The following ASTN2 variants were observed in gnomAD, a reference collection of about 807,000 sequenced individuals.
The protein encoded by ASTN2 is astrotactin-2.
In ASTN2, 54 loss-of-function variants were observed where a neutral mutation model predicts 139.8. That is an observed-to-expected ratio of 0.39 (90% confidence interval 0.31 to 0.48). The LOEUF (loss-of-function observed/expected upper bound fraction) is 0.48. Among genes scored for constraint, ASTN2 ranks in the 20% least tolerant of loss-of-function variants. The pLI, the probability that ASTN2 is intolerant of heterozygous loss-of-function variation, is 0.95. For synonymous variants in ASTN2, 756 were observed against 719.5 expected (o/e 1.05, Z -0.81); for missense variants, 1,565 against 1,725.1 (o/e 0.91, Z 1.64).
At chr9:117,395,482 G>T (rs1403900377) in intron 1 of ASTN2, among the ~76,000 whole-genome samples, 1 of 152,140 alleles carries the variant, frequency 6.6e-6, no homozygotes, top group South Asian at 2.1e-4. Context: ...TTGGCAGCCC[G>T]CTCACACACA....
chr9:116,845,837 G>T (rs1832413664), intron 11 of ASTN2, among the ~76,000 whole-genome samples: 2 of 152,218 alleles, frequency 1.3e-5, no homozygotes, highest in Admixed American at 1.3e-4. Flanking sequence ...ATTAAAAATA[G>T]AACTACCATA....
At chr9:117,339,529 C>A (rs766822094) in intron 1 of ASTN2, among the ~76,000 whole-genome samples, 5 of 152,158 alleles carry the variant, frequency 3.3e-5, no homozygotes, top group Non-Finnish European at 7.3e-5. Flanking sequence ...TTTGCCAACA[C>A]TCCGTTTACA....
intron 22 of ASTN2, among the ~76,000 whole-genome samples, chr9:116,430,302 T>A (rs1847456297): frequency 6.6e-6 from 1 of 152,336 alleles, no homozygotes; most frequent in Middle Eastern, 3.4e-3. Context: ...CCTTGAGTAG[T>A]AACAAAGGCA....
chr9:117,166,806 C>T (rs1043699549), intron 3 of ASTN2, among the ~76,000 whole-genome samples: 4 of 152,050 alleles, frequency 2.6e-5, no homozygotes, highest in African/African-American at 9.7e-5. Context: ...GCAAACTCCC[C>T]TAGGATCAAA....
At chr9:117,329,441 G>A (rs990203538) in intron 1 of ASTN2, among the ~76,000 whole-genome samples, 2 of 152,026 alleles carry the variant, frequency 1.3e-5, no homozygotes, top group African/African-American at 2.4e-5. Context: ...AAGGAAAGAG[G>A]GAGAGGAGAG....
At chr9:117,124,630 C>T (rs890048304) in intron 4 of ASTN2, among the ~76,000 whole-genome samples, 2 of 152,062 alleles carry the variant, frequency 1.3e-5, no homozygotes, top group East Asian at 1.9e-4. Flanking sequence ...GTTGGAGTTG[C>T]TCACTTAAAT....
At chr9:117,000,507 A>G (rs745983934) in intron 7 of ASTN2, among the ~76,000 whole-genome samples, 4 of 151,454 alleles carry the variant, frequency 2.6e-5, no homozygotes, top group Non-Finnish European at 2.9e-5. Context: ...ACTTTAATAA[A>G]GCTGTTTCGC....
intron 6 of ASTN2, among the ~76,000 whole-genome samples, chr9:117,014,184 A>G (rs997138084): frequency 6.6e-6 from 1 of 152,146 alleles, no homozygotes; most frequent in African/African-American, 2.4e-5. Context: ...AATGAAGATC[A>G]TATCTACTAT....
chr9:116,880,481 G>A (rs1416184192), intron 10 of ASTN2, among the ~76,000 whole-genome samples: 1 of 152,172 alleles, frequency 6.6e-6, no homozygotes, highest in East Asian at 1.9e-4. Context: ...TGAATTAACA[G>A]ACTTGGGCTT....
intron 10 of ASTN2, among the ~76,000 whole-genome samples, chr9:116,874,803 G>T (rs116710183): frequency 0.033 from 5,003 of 152,234 alleles, 312 homozygotes; most frequent in African/African-American, 0.11. Context: ...GAAGGTCGGT[G>T]GCTACCCTGT....
At chr9:117,078,934 C>T (rs1828350639) in intron 5 of ASTN2, among the ~76,000 whole-genome samples, 1 of 151,978 alleles carries the variant, frequency 6.6e-6, no homozygotes, top group Admixed American at 6.6e-5. Flanking sequence ...GGGGGTTTCA[C>T]CATATTGGGC....
At chr9:116,716,066 T>G (rs1006050858) in intron 16 of ASTN2, among the ~76,000 whole-genome samples, 10 of 152,258 alleles carry the variant, frequency 6.6e-5, no homozygotes, top group African/African-American at 2.4e-4. Flanking sequence ...AATTCCACAT[T>G]CTTAGTGCCA....
Position 116,626,154 on chromosome 9 carries a change from GTTTTTT to G in ASTN2, c.3073-5717_3073-5712del, listed in dbSNP as rs751026997. Among the ~76,000 whole-genome samples, 21 of 34,438 alleles carry G rather than the reference GTTTTTT, an allele frequency of 6.1e-4. 1 individual carries two copies. Among genetic ancestry groups the G allele is most frequent in the South Asian group, 2.0e-3 (1 of 510 alleles). The allele number at this position is 34,438 out of a possible 152,430, so 22.6% of individuals were successfully genotyped here. A position where few individuals can be genotyped will look rare whatever the true frequency, so the allele number is the denominator to read the frequency against. On this transcript the variant is annotated intron_variant, in intron 17 of 22. Transcript: ENST00000313400. Reference sequence around the variant, plus strand: ...ACCACCATGCCTGGTTAGTTTTTGTGTTTTTTTTTTTTTTTTTTTTTTTTTTTTTTT... The same window carrying G: ...ACCACCATGCCTGGTTAGTTTTTGTGTTTTTTTTTTTTTTTTTTTTTTTTT...
intron 18 of ASTN2, among the ~76,000 whole-genome samples, chr9:116,619,652 T>C (rs924572416): frequency 1.3e-5 from 2 of 151,132 alleles, no homozygotes; most frequent in Non-Finnish European, 2.9e-5. Context: ...GCCTCCATAG[T>C]AGCTGGGACT....
intron 10 of ASTN2, among the ~76,000 whole-genome samples, chr9:116,909,584 G>C (rs1360614206): frequency 6.6e-6 from 1 of 152,160 alleles, no homozygotes; most frequent in Non-Finnish European, 1.5e-5. Flanking sequence ...ATTGGGACTG[G>C]AGCTATTGGC....
intron 19 of ASTN2, among the ~76,000 whole-genome samples, chr9:116,488,023 G>A (rs1849396938): frequency 6.6e-6 from 1 of 152,098 alleles, no homozygotes; most frequent in African/African-American, 2.4e-5. Context: ...ACAGAGACCA[G>A]CTAAGGAGTA....
At chr9:116,518,163 G>A (rs969450201) in intron 19 of ASTN2, among the ~76,000 whole-genome samples, 11 of 152,104 alleles carry the variant, frequency 7.2e-5, no homozygotes, top group South Asian at 4.1e-4. Flanking sequence ...AAGAGCACCT[G>A]GGAAATTCAT....
chr9:116,491,953 T>A (rs968187068), intron 19 of ASTN2, among the ~76,000 whole-genome samples: 1 of 152,154 alleles, frequency 6.6e-6, no homozygotes, highest in Non-Finnish European at 1.5e-5. Context: ...TACATCTATA[T>A]TCTTATATGT....
intron 20 of ASTN2, among the ~76,000 whole-genome samples, chr9:116,482,648 C>A (rs774759597): frequency 6.6e-6 from 1 of 152,046 alleles, no homozygotes; most frequent in Non-Finnish European, 1.5e-5. Context: ...AACTTGCTGT[C>A]GGACTCCCAA....
Sources: allele counts gnomAD v4.1 joint callset (sites outside exome capture counted in the v4.1 genomes callset), GRCh38; gene constraint gnomAD v4.1.1; transcripts MANE v1.5; gene names NCBI Gene and HGNC (gene_info 2026-07-23, HGNC 2026-07-21).